Variants in TTLL4 observed in about 807,000 individuals in gnomAD.
The protein encoded by TTLL4 is tubulin monoglutamylase TTLL4.
In TTLL4, 85 loss-of-function variants were observed where a neutral mutation model predicts 122.7. That is an observed-to-expected ratio of 0.69 (90% CI 0.58 to 0.83). The LOEUF is 0.83. Among genes scored for constraint, TTLL4 ranks in the 40% least tolerant of loss-of-function variants. The probability of loss-of-function intolerance (pLI) is 0.00; values close to 1 mark genes in which losing one functional copy is unlikely to be tolerated. For synonymous variants in TTLL4, 553 were observed against 563.0 expected, an observed-to-expected ratio of 0.98 and a Z score of 0.25; for missense variants, 1,363 against 1,488.6, an observed-to-expected ratio of 0.92 and a Z score of 1.39.
At chr2:218,718,247 T>G (rs35619755) in intron 1 of TTLL4, among the ~76,000 whole-genome samples, 1,723 of 152,266 alleles carry the variant, frequency 0.011, 10 homozygotes, top group South Asian at 0.018. Context: ...CACACTCTCT[T>G]GTAGGAGAGT....
At chr2:218,741,835 TATATA>T (rs1453803296) in intron 5 of TTLL4, among the ~76,000 whole-genome samples, 4 of 152,344 alleles carry the variant, frequency 2.6e-5, no homozygotes, top group African/African-American at 9.6e-5. Context: ...GCCTTCCTGA[TATATA>T]AGATAAAATT....
chr2:218,740,726 T>C (rs1942676472), intron 5 of TTLL4, 142 bp downstream of exon 5: 1 of 935,316 alleles, frequency 1.1e-6, no homozygotes, highest in Admixed American at 2.2e-5. Context: ...GACTTTAGTT[T>C]TTGAACAGGG....
At chr2:218,740,303 A>G (rs980909127) in intron 4 of TTLL4, 136 bp downstream of exon 4, 12 of 928,206 alleles carry the variant, frequency 1.3e-5, no homozygotes, top group Non-Finnish European at 1.8e-5. Flanking sequence ...AAGTGGGGGT[A>G]GTGCCTTCTA....
At chr2:218,735,171 C>G (rs1356231150) in intron 2 of TTLL4, among the ~76,000 whole-genome samples, 2 of 152,152 alleles carry the variant, frequency 1.3e-5, no homozygotes, top group African/African-American at 4.8e-5. Context: ...TGGCTGTAGA[C>G]AGGAATCTTA....
At chr2:218,749,206 C>T (rs1023657616) in intron 13 of TTLL4, 47 bp from the exon 14 acceptor site, 2 of 1,606,948 alleles carry the variant, frequency 1.2e-6, no homozygotes, top group Admixed American at 1.7e-5. Flanking sequence ...CTGAGTAGAG[C>T]CCTCTGGGAG....
chr2:218,750,795 GA>G (rs1942995342), intron 15 of TTLL4, among the ~76,000 whole-genome samples: 1 of 152,064 alleles, frequency 6.6e-6, no homozygotes, highest in African/African-American at 2.4e-5. Context: ...CCCATAGCCA[GA>G]CCCGCTGTTA....
chr2:218,745,495 C>T (rs768756366), intron 6 of TTLL4, 196 bp from the exon 7 acceptor site: 2 of 637,448 alleles, frequency 3.1e-6, no homozygotes, highest in Non-Finnish European at 5.5e-6. Context: ...TCAGTCTTCC[C>T]TTTCTTTGTT....
At chr2:218,730,046 G>C (rs1006838224) in intron 2 of TTLL4, among the ~76,000 whole-genome samples, 1 of 152,072 alleles carries the variant, frequency 6.6e-6, no homozygotes, top group African/African-American at 2.4e-5. Flanking sequence ...GCCCAGCCAG[G>C]ATTTTCTATG....
At chr2:218,745,859 A>G (rs1942828858) in intron 7 of TTLL4, 58 bp downstream of exon 7, 2 of 1,481,658 alleles carry the variant, frequency 1.3e-6, no homozygotes, top group African/African-American at 2.8e-5. Flanking sequence ...TGGGCTTTGC[A>G]TAGGGGGAGA....
chr2:218,756,133 A>G (rs938290049), downstream of TTLL4, among the ~76,000 whole-genome samples: 3 of 152,188 alleles, frequency 2.0e-5, no homozygotes, highest in Admixed American at 6.5e-5. Context: ...CCTAAGAGAA[A>G]ATGAGCTGCC....
At chr2:218,752,570 C>G (rs1379256946) in intron 16 of TTLL4, among the ~76,000 whole-genome samples, 193 bp from the exon 17 acceptor site, 1 of 152,182 alleles carries the variant, frequency 6.6e-6, no homozygotes, top group Non-Finnish European at 1.5e-5. Flanking sequence ...TGCCTTCCCC[C>G]ACTAGCTAAG....
chr2:218,730,437 G>A (rs4006669), intron 2 of TTLL4, among the ~76,000 whole-genome samples: 74,060 of 151,262 alleles, frequency 0.49, 18,711 homozygotes, highest in African/African-American at 0.58. Flanking sequence ...GAACCTGGGA[G>A]GGGGAGGTTG....
intron 1 of TTLL4, among the ~76,000 whole-genome samples, chr2:218,713,825 G>C (rs1330963643): frequency 3.9e-5 from 6 of 152,114 alleles, no homozygotes; most frequent in Admixed American, 1.3e-4. Context: ...GATGATGAAG[G>C]CTTTATGTTT....
rs1347888244 is a variant in TTLL4 at position 218,745,724 on chromosome 2, T to C, written c.1820T>C (p.Leu607Pro). 6.2e-7 allele frequency: 1 copy of C among 1,612,788 alleles called. No individual in the cohort carries two copies. The highest frequency in any genetic ancestry group is 8.5e-7 in the Non-Finnish European group (1 of 1,179,662). ...CTTCCCTGGGAACAGAGGAAGTTGC[T>C]CCGATGGAAGATGAGCACAGTGACC... ...EKLPWEQRKL[L>P]RWKMSTVTPN... The change falls in exon 7 of 20, where the codon CTC becomes CCC. Residue 607 changes from leucine to proline, a missense_variant. Leu to Pro is a moderately conservative substitution (Grantham distance 98, BLOSUM62 -3). This residue lies in a region of TTLL4 where 760 missense variants were observed against 808.4 expected (regional missense o/e 0.94). Coordinates refer to ENST00000392102, the MANE Select transcript of TTLL4 (RefSeq NM_014640.5).
At chr2:218,753,805 C>A in intron 19 of TTLL4, 136 bp downstream of exon 19, 3 of 945,112 alleles carry the variant, frequency 3.2e-6, no homozygotes, top group Non-Finnish European at 4.9e-6. Flanking sequence ...GGACATGCAG[C>A]CATAGCATCC....
chr2:218,745,891 T>A (rs528576231), intron 7 of TTLL4, 90 bp downstream of exon 7: 2 of 1,241,532 alleles, frequency 1.6e-6, no homozygotes. Context: ...CTCGTGCCTA[T>A]GTCGGGGCAG....
chr2:218,740,527 CAG>C lies in TTLL4; in HGVS notation c.1607_1608del (p.Glu536ValfsTer18). On this transcript the variant is annotated frameshift_variant, in exon 5 of 20. Transcript: ENST00000392102. LOFTEE classifies it high-confidence loss of function. Reference sequence around the variant, plus strand: ...CTGTTCTTCCTTCCTCTAGGAGACTCAGAGTGCTCCTCATTAAGTGCTGTCTC... The same window carrying C: ...CTGTTCTTCCTTCCTCTAGGAGACTCAGTGCTCCTCATTAAGTGCTGTCTC... The C allele has an allele frequency of 1.2e-6, 2 of 1,614,154 alleles. No homozygotes were observed. The highest frequency in any genetic ancestry group is 1.7e-6 in the Non-Finnish European group (2 of 1,180,000).
chr2:218,720,567 G>T lies in TTLL4; in HGVS notation c.-177-6702G>T, dbSNP rs1167254417. Among the ~76,000 whole-genome samples the T allele has an allele frequency of 7.2e-5, 11 of 151,904 alleles. No homozygotes were observed. In the East Asian group the frequency reaches 2.1e-3, roughly 29 times the overall value. ...CGGGTGCCTGTAATCCCGGCTATTC[G>T]GGAGGCTGAGGCGGGAGAATTGCAT... On this transcript the variant is annotated intron_variant, in intron 1 of 19. Transcript: ENST00000392102.
chr2:218,749,017 C>A, intron 13 of TTLL4, 83 bp downstream of exon 13: 1 of 1,472,394 alleles, frequency 6.8e-7, no homozygotes, highest in Non-Finnish European at 9.4e-7. Flanking sequence ...GTGCTCTGGA[C>A]TTTGGCCATG....
Sources: gnomAD v4.1 joint callset for allele counts (sites outside exome capture counted in the v4.1 genomes callset) on GRCh38, gnomAD v4.1.1 for gene constraint, gnomAD v4.1.1 regional missense constraint, MANE v1.5 for transcripts, NCBI Gene and HGNC (gene_info 2026-07-23, HGNC 2026-07-21) for gene names.